The following CEP43 variants were observed in gnomAD, a reference collection of about 807,000 sequenced individuals.
CEP43 encodes the protein FGFR1 oncogene partner.
CEP43 carries 36 observed loss-of-function variants against 52.6 expected under a neutral mutation model. That is an observed-to-expected ratio of 0.68 (90% confidence interval 0.52 to 0.90). CEP43 has a LOEUF of 0.90. Ranked by LOEUF, CEP43 falls within the 40% of genes least tolerant of loss-of-function variation. The pLI is 0.00. For synonymous variants in CEP43, 192 were observed against 172.4 expected (o/e 1.11, Z -0.89); for missense variants, 506 against 472.8 (o/e 1.07, Z -0.65).
intron 5 of CEP43, among the ~76,000 whole-genome samples, chr6:167,005,455 A>C (rs549492617): frequency 1.3e-5 from 2 of 152,354 alleles, no homozygotes; most frequent in South Asian, 4.1e-4. Context: ...GTCACATGCC[A>C]AAATTTTATT....
Position 167,041,182 on chromosome 6 carries a change from A to T in CEP43, c.*1204A>T, listed in dbSNP as rs892372734. 1 of 1,047,344 alleles carries T rather than the reference A, an allele frequency of 9.5e-7. No homozygotes were observed. Among genetic ancestry groups the T allele is most frequent in the African/African-American group, 1.7e-5 (1 of 60,030 alleles). 64.9% of individuals were successfully genotyped at this position (1,047,344 alleles called of 1,614,324 possible). ...CTAATTCATTGATCTCGGTTAAGTG[A>T]GCAGACTGCATGACTTGTGTAATGC... is the stretch of plus-strand genomic sequence containing the variant. On this transcript the variant is annotated 3_prime_UTR_variant, in exon 13 of 13. Coordinates refer to ENST00000366847, the MANE Select transcript of CEP43 (RefSeq NM_007045.4).
At position 167,022,391 on chromosome 6, in the gene CEP43, C is replaced by T; in HGVS notation, c.580-18C>T. 1.9e-6 allele frequency: 3 copies of T among 1,574,230 alleles called. No homozygotes were observed. Among genetic ancestry groups the T allele is most frequent in the Non-Finnish European group, 8.7e-7 (1 of 1,148,468 alleles). On this transcript the variant is annotated intron_variant, in intron 7 of 12. Transcript: ENST00000366847. ...TTATCTCACCAAGGAGGCCTTTTCT[C>T]TTTCCCTCTCTTTCTAGAAGGCCAA... is the stretch of plus-strand genomic sequence containing the variant.
intron 12 of CEP43, chr6:167,036,100 T>G: frequency 2.0e-6 from 2 of 985,314 alleles, no homozygotes; most frequent in South Asian, 4.7e-5. Context: ...AGAAAAGCCA[T>G]GTACACAAAC....
At position 167,045,839 on chromosome 6, in the gene CEP43, T is replaced by C. The variant is rs569247324; in HGVS notation, c.*5861T>C. On this transcript the variant is annotated 3_prime_UTR_variant, in exon 13 of 13. Coordinates refer to ENST00000366847, the MANE Select transcript of CEP43 (RefSeq NM_007045.4). The stretch of plus-strand genomic sequence containing the variant: ...ACTTTGTTTGAAATCCTTTGTGGTT[T>C]CTAAAGCACTAGTAGCTTTCTGAAA... 6.6e-6 allele frequency: 1 copy of C among 152,376 alleles called. No individual in the cohort carries two copies. Among genetic ancestry groups the C allele is most frequent in the East Asian group, 1.9e-4 (1 of 5,170 alleles). 9.4% of individuals were successfully genotyped at this position (152,376 alleles called of 1,614,324 possible). A position where few individuals can be genotyped will look rare whatever the true frequency, so the allele number is the denominator to read the frequency against.
At chr6:167,001,098 C>G (rs1027702818) in intron 2 of CEP43, among the ~76,000 whole-genome samples, 2 of 152,214 alleles carry the variant, frequency 1.3e-5, no homozygotes, top group African/African-American at 4.8e-5. Flanking sequence ...GCTTCCTCCA[C>G]AGGGAAGGTA....
chr6:167,032,203 G>A (rs1269920806), intron 10 of CEP43, among the ~76,000 whole-genome samples: 2 of 152,214 alleles, frequency 1.3e-5, no homozygotes, highest in Non-Finnish European at 2.9e-5. Context: ...CACACCTCAT[G>A]AGTGTTTTTT....
In CEP43 at chr6:166,999,620, G is replaced by T. The variant is rs1277302055; in HGVS notation, c.102+106G>T. 3 of 811,320 alleles carry T rather than the reference G, an allele frequency of 3.7e-6. 1 individual carries two copies. Among genetic ancestry groups the T allele is most frequent in the Middle Eastern group, 8.1e-4 (2 of 2,458 alleles). The allele number at this position is 811,320 out of a possible 1,614,324, so 50.3% of individuals were successfully genotyped here. A position where few individuals can be genotyped will look rare whatever the true frequency, so the allele number is the denominator to read the frequency against. On this transcript the variant is annotated intron_variant, in intron 1 of 12. Coordinates refer to ENST00000366847, the MANE Select transcript of CEP43 (RefSeq NM_007045.4). Reference sequence around the variant, plus strand: ...GAGGCCGCCTCCCTGGCGAGGGACCGGGGCCGGCGGGCACTGGGGGCGCGC... The same window carrying T: ...GAGGCCGCCTCCCTGGCGAGGGACCTGGGCCGGCGGGCACTGGGGGCGCGC...
Position 167,040,317 on chromosome 6 carries a change from A to C in CEP43, c.*339A>C. On this transcript the variant is annotated 3_prime_UTR_variant, in exon 13 of 13. Transcript: ENST00000366847. ...GTCAATAAAGCCGTAGGATCGCGCA[A>C]CCCTTTGTGTGTGTGGCTGCTGGTA... The C allele has an allele frequency of 2.1e-6, 3 of 1,431,334 alleles. No homozygotes were observed. The highest frequency in any genetic ancestry group is 1.8e-6 in the Non-Finnish European group (2 of 1,100,066). The allele number at this position is 1,431,334 out of a possible 1,614,324, so 88.7% of individuals were successfully genotyped here.
intron 7 of CEP43, among the ~76,000 whole-genome samples, chr6:167,020,469 C>G (rs1344051758): frequency 6.6e-6 from 1 of 152,208 alleles, no homozygotes; most frequent in African/African-American, 2.4e-5. Context: ...CTAACCCAGA[C>G]TTTGGTCACC....
At chr6:167,039,223 G>A (rs559433339) in intron 12 of CEP43, among the ~76,000 whole-genome samples, 5 of 152,190 alleles carry the variant, frequency 3.3e-5, no homozygotes, top group African/African-American at 1.2e-4. Flanking sequence ...TCTGCCTCCT[G>A]GGTTCAAGCG....
Position 167,041,844 on chromosome 6 carries a change from G to GGGGGCCCC in CEP43, c.*1866_*1867insGGGGCCCC. 1.4e-5 allele frequency: 2 copies of GGGGGCCCC among 144,934 alleles called. No individual in the cohort carries two copies. Among genetic ancestry groups the GGGGGCCCC allele is most frequent in the Non-Finnish European group, 2.5e-5 (2 of 80,404 alleles). 9.0% of individuals were successfully genotyped at this position (144,934 alleles called of 1,614,324 possible). On this transcript the variant is annotated 3_prime_UTR_variant, in exon 13 of 13. Transcript: ENST00000366847. Reference sequence around the variant, plus strand: ...TCTTTTTTTTGCGGGGGGCGGGGGGGACAGAGTCTCACTGTGTCACTCAGA... The same window carrying GGGGGCCCC: ...TCTTTTTTTTGCGGGGGGCGGGGGGGGGGGCCCCACAGAGTCTCACTGTGTCACTCAGA...
intron 7 of CEP43, among the ~76,000 whole-genome samples, chr6:167,019,675 T>G (rs1780181949): frequency 1.3e-5 from 2 of 152,226 alleles, no homozygotes; most frequent in South Asian, 4.1e-4. Context: ...GTATGTGTTG[T>G]GTAATATAGT....
At chr6:167,020,807 G>T (rs1238178370) in intron 7 of CEP43, among the ~76,000 whole-genome samples, 1 of 151,716 alleles carries the variant, frequency 6.6e-6, no homozygotes, top group African/African-American at 2.4e-5. Flanking sequence ...TACTCAGGAG[G>T]CTGAGGCAGG....
intron 1 of CEP43, 176 bp from the exon 2 acceptor site, chr6:166,999,884 C>G: frequency 1.7e-6 from 1 of 584,642 alleles, no homozygotes; most frequent in South Asian, 2.2e-5. Flanking sequence ...CGCGTCCAGC[C>G]GAAGCCTGGG....
chr6:167,019,273 C>G (rs554173187), intron 7 of CEP43, among the ~76,000 whole-genome samples: 1 of 146,672 alleles, frequency 6.8e-6, no homozygotes, highest in East Asian at 2.2e-4. Flanking sequence ...ACCTGCTGTG[C>G]ACACACATAC....
At chr6:167,032,498 T>C in intron 10 of CEP43, 105 bp from the exon 11 acceptor site, 3 of 1,041,776 alleles carry the variant, frequency 2.9e-6, no homozygotes, top group Non-Finnish European at 4.0e-6. Flanking sequence ...CTGGGACTTT[T>C]TAAATGATGC....
At chr6:167,007,040 C>T (rs75506424) in intron 5 of CEP43, among the ~76,000 whole-genome samples, 1 of 152,200 alleles carries the variant, frequency 6.6e-6, no homozygotes, top group South Asian at 2.1e-4. Flanking sequence ...TGATTCTATT[C>T]CTGTGACTCC....
chr6:167,016,463 G>A (rs577242810), intron 7 of CEP43, among the ~76,000 whole-genome samples: 11 of 152,280 alleles, frequency 7.2e-5, no homozygotes, highest in African/African-American at 2.6e-4. Context: ...GTCTCACTAT[G>A]GTTGTCCATT....
rs1447592071 is a variant in CEP43 at position 167,052,393 on chromosome 6, G to A, written c.*12415G>A. The A allele has an allele frequency of 2.6e-5, 4 of 152,200 alleles. No individual in the cohort carries two copies. Among genetic ancestry groups the A allele is most frequent in the Non-Finnish European group, 5.9e-5 (4 of 68,040 alleles). 9.4% of individuals were successfully genotyped at this position (152,200 alleles called of 1,614,324 possible). The stretch of plus-strand genomic sequence containing the variant: ...AGGAAGGAAAAGTGTGTGAAAGGGG[G>A]CTCCACCTCCTTTAGTGGATACCCT... On this transcript the variant is annotated 3_prime_UTR_variant, in exon 13 of 13. Coordinates refer to ENST00000366847, the MANE Select transcript of CEP43 (RefSeq NM_007045.4).
Sources: allele counts gnomAD v4.1 joint callset (sites outside exome capture counted in the v4.1 genomes callset), GRCh38; gene constraint gnomAD v4.1.1; transcripts MANE v1.5; gene names NCBI Gene and HGNC (gene_info 2026-07-23, HGNC 2026-07-21).